Variants in CAND1 observed in about 807,000 individuals in gnomAD.
The protein encoded by CAND1 is cullin-associated NEDD8-dissociated protein 1.
A neutral mutation model predicts 108.5 loss-of-function variants in CAND1; 7 were observed. The observed-to-expected ratio is 0.06, with a 90% CI of 0.04 to 0.12. CAND1 has a LOEUF of 0.12. CAND1 is among the 10% of genes least tolerant of loss of function. The pLI is 1.00. For synonymous variants in CAND1, 534 were observed against 512.0 expected (o/e 1.04, Z -0.58); for missense variants, 941 against 1,448.7 (o/e 0.65, Z 5.69).
intron 8 of CAND1, 79 bp from the exon 9 acceptor site, chr12:67,304,526 T>C: frequency 3.5e-6 from 5 of 1,422,284 alleles, no homozygotes; most frequent in Non-Finnish European, 4.8e-6. Context: ...CCCTTTATCC[T>C]CATTCTCCAT....
Position 67,305,031 on chromosome 12 carries a change from TA to T in CAND1, c.1436-72del, listed in dbSNP as rs2044864470. The T allele has an allele frequency of 7.9e-7, 1 of 1,259,006 alleles. No homozygotes were observed. Among genetic ancestry groups the T allele is most frequent in the South Asian group, 1.4e-5 (1 of 68,994 alleles). 78.0% of individuals were successfully genotyped at this position (1,259,006 alleles called of 1,614,324 possible). On this transcript the variant is annotated intron_variant, in intron 9 of 14. Coordinates refer to ENST00000545606, the MANE Select transcript of CAND1 (RefSeq NM_018448.5). This position sits in a 1 kb window ranked among gnomAD's most constrained non-coding sequence, Gnocchi z 4.4. ...TGAAGTGGGAACATTAGCAGTACTA[TA>T]GGGGTTGATTTTTAATTTTTCTTTC... is the stretch of plus-strand genomic sequence containing the variant.
chr12:67,306,342 C>G lies in CAND1; in HGVS notation c.2674C>G (p.Leu892Val). 1 of 1,614,142 alleles carries G rather than the reference C, an allele frequency of 6.2e-7. No homozygotes were observed. Among genetic ancestry groups the G allele is most frequent in the Non-Finnish European group, 8.5e-7 (1 of 1,180,002 alleles). The stretch of plus-strand genomic sequence containing the variant: ...TAGTGTGGGCAACCTTCCTGAATAT[C>G]TGCCGTTTGTCCTGCAAGAAATAAC... ...SISVGNLPEYLPFVLQEITSQ... is the reference protein window; with the variant it reads ...SISVGNLPEYVPFVLQEITSQ... Residue 892 changes from leucine to valine, a missense_variant, in exon 10 of 15, where the codon CTG (leucine) becomes GTG (valine). Coordinates refer to ENST00000545606, the MANE Select transcript of CAND1 (RefSeq NM_018448.5).
intron 2 of CAND1, 176 bp downstream of exon 2, chr12:67,282,229 C>T (rs985420379): frequency 7.2e-6 from 4 of 552,482 alleles, no homozygotes; most frequent in Admixed American, 3.8e-5. Context: ...TAGTGTATTT[C>T]CTTACAGCAT....
intron 13 of CAND1, 118 bp from the exon 14 acceptor site, chr12:67,311,575 A>G: frequency 3.5e-6 from 1 of 289,798 alleles, no homozygotes; most frequent in Non-Finnish European, 6.0e-6. Flanking sequence ...AGATTACATT[A>G]AAAGGAAGGT....
Position 67,309,903 on chromosome 12 carries a change from G to T in CAND1, c.3028G>T (p.Asp1010Tyr). 6.3e-7 allele frequency: 1 copy of T among 1,596,526 alleles called. No individual in the cohort carries two copies. The highest frequency in any genetic ancestry group is 1.1e-5 in the South Asian group (1 of 88,278). The change falls in exon 12 of 15, where the codon GAT becomes TAT. Residue 1010 changes from aspartate (D) to tyrosine (Y), a missense_variant and splice_region_variant. Physicochemically the swap from Asp to Tyr is radical, Grantham distance 160 (BLOSUM62 -3). Coordinates refer to ENST00000545606, the MANE Select transcript of CAND1 (RefSeq NM_018448.5). ...TTGCTTTTCTTGTAATATTTCAGGT[G>T]ATTTCCTAAAAACTTTGGAAGACCC... ...IDPLLKNCIG[D>Y]FLKTLEDPDL... is the part of the protein sequence containing the mutation.
rs1449945513 is a variant in CAND1, at chr12:67,318,116, A to T, written c.*5286A>T. 6.6e-6 allele frequency: 1 copy of T among 152,286 alleles called. No individual in the cohort carries two copies. Among genetic ancestry groups the T allele is most frequent in the Admixed American group, 6.5e-5 (1 of 15,282 alleles). 9.4% of individuals were successfully genotyped at this position (152,286 alleles called of 1,614,324 possible). The stretch of plus-strand genomic sequence containing the variant: ...GGCGAAACCCCGTCTTTGCTAAAAA[A>T]ACACAAAGAAATTAGCTAGACGTGG... On this transcript the variant is annotated 3_prime_UTR_variant, in exon 15 of 15. Transcript: ENST00000545606.
At position 67,299,066 on chromosome 12, in the gene CAND1, A is replaced by G; in HGVS notation, c.971A>G (p.Asp324Gly). 1 of 1,528,466 alleles carries G rather than the reference A, an allele frequency of 6.5e-7. No individual in the cohort carries two copies. Among genetic ancestry groups the G allele is most frequent in the Non-Finnish European group, 9.0e-7 (1 of 1,110,396 alleles). 94.7% of individuals were successfully genotyped at this position (1,528,466 alleles called of 1,614,324 possible). Residue 324 changes from aspartate to glycine, a missense_variant, in exon 7 of 15, where the codon GAT becomes GGT. By Grantham distance (94) the Asp-to-Gly change is moderately conservative. Around this residue, in one of 9 missense-constraint regions of CAND1, gnomAD observed 697 missense variants for 942.0 expected, o/e 0.74. Coordinates refer to ENST00000545606, the MANE Select transcript of CAND1 (RefSeq NM_018448.5). ...GAAGATGAAGATGAAAATGCAATGG[A>G]TGCTGATGGTGGTGATGATGATGAT... ...DDEDEDENAM[D>G]ADGGDDDDQG...
At chr12:67,280,751 A>T (rs906735970) in intron 1 of CAND1, among the ~76,000 whole-genome samples, 2 of 152,112 alleles carry the variant, frequency 1.3e-5, no homozygotes. Flanking sequence ...ACCTTATTTT[A>T]CCTGAGACTC....
intron 2 of CAND1, among the ~76,000 whole-genome samples, chr12:67,285,800 T>A (rs115830461): frequency 0.025 from 3,747 of 152,310 alleles, 155 homozygotes; most frequent in African/African-American, 0.084. Flanking sequence ...TGTTCCTGTG[T>A]CTGGCTATTT....
intron 2 of CAND1, among the ~76,000 whole-genome samples, chr12:67,284,075 C>A (rs1332886512): frequency 4.6e-5 from 7 of 151,968 alleles, no homozygotes; most frequent in Admixed American, 4.6e-4. Context: ...AAAAACTTTC[C>A]ATTTTTGGAA....
chr12:67,315,698 CT>C lies in CAND1; in HGVS notation c.*2875del, dbSNP rs2045001575. 6.6e-6 allele frequency: 1 copy of C among 151,926 alleles called. No homozygotes were observed. The highest frequency in any genetic ancestry group is 2.1e-4 in the South Asian group (1 of 4,814). The allele number at this position is 151,926 out of a possible 1,614,324, so 9.4% of individuals were successfully genotyped here. A position where few individuals can be genotyped will look rare whatever the true frequency, so the allele number is the denominator to read the frequency against. ...GTAACCATAATTAAACCAAATTAGT[CT>C]TTTTTTCTTCATACTTTTCTTCGGT... On this transcript the variant is annotated 3_prime_UTR_variant, in exon 15 of 15. Transcript: ENST00000545606.
At position 67,288,514 on chromosome 12, in the gene CAND1, TAAAGTC is replaced by T. The variant is rs1310502165; in HGVS notation, c.213-4106_213-4101del. On this transcript the variant is annotated intron_variant, in intron 2 of 14. Coordinates refer to ENST00000545606, the MANE Select transcript of CAND1 (RefSeq NM_018448.5). ...AACTATGTATTACTTTTCCCTATAG[TAAAGTC>T]AGTTTCTTTTTCTTGCATTTTAAAG... 7.9e-5 allele frequency among the ~76,000 whole-genome samples: 12 copies of T among 152,328 alleles called. No individual in the cohort carries two copies. In the East Asian group the frequency reaches 2.3e-3, roughly 29 times the overall value.
chr12:67,302,940 T>A (rs2136014764), intron 8 of CAND1, among the ~76,000 whole-genome samples: 1 of 152,306 alleles, frequency 6.6e-6, no homozygotes, highest in African/African-American at 2.4e-5. Context: ...AATTTAGGTG[T>A]GTGATCTTGG....
At chr12:67,283,362 T>G (rs1249916809) in intron 2 of CAND1, among the ~76,000 whole-genome samples, 1 of 152,124 alleles carries the variant, frequency 6.6e-6, no homozygotes, top group Non-Finnish European at 1.5e-5. Flanking sequence ...GGCAGGTGGA[T>G]CACCTGAGGT....
rs1255804894 is a variant in CAND1 at position 67,295,856 on chromosome 12, G to A, written c.491+700G>A. On this transcript the variant is annotated intron_variant, in intron 4 of 14. Transcript: ENST00000545606. ...GCTTATACTTTACGATAGGACATAA[G>A]AACACCGATGGCTACAGGGCAGAAT... is the stretch of plus-strand genomic sequence containing the variant. Among the ~76,000 whole-genome samples the A allele has an allele frequency of 8.5e-5, 13 of 152,128 alleles. No individual in the cohort carries two copies. In the East Asian group the frequency reaches 2.5e-3, roughly 29 times the overall value.
chr12:67,280,194 G>A (rs1311215919), intron 1 of CAND1, among the ~76,000 whole-genome samples: 1 of 152,150 alleles, frequency 6.6e-6, no homozygotes, highest in Non-Finnish European at 1.5e-5. Context: ...TTTACAGAAC[G>A]TGGTAAGAAT....
chr12:67,293,432 T>C (rs914987032), intron 3 of CAND1, among the ~76,000 whole-genome samples: 3 of 152,216 alleles, frequency 2.0e-5, no homozygotes, highest in African/African-American at 4.8e-5. Context: ...TTATCACCTA[T>C]TTCATGGGAA....
rs918618844 is a variant in CAND1, at chr12:67,269,453, C to G, written c.-265C>G. On this transcript the variant is annotated 5_prime_UTR_variant, in exon 1 of 15. Coordinates refer to ENST00000545606, the MANE Select transcript of CAND1 (RefSeq NM_018448.5). ...CGTAGAGGCCCTTCTGTACGCCCCGCCGCCCATGAGCTCGTTCTCACGCGA... is the reference window on the plus strand; with the variant it reads ...CGTAGAGGCCCTTCTGTACGCCCCGGCGCCCATGAGCTCGTTCTCACGCGA... 2.1e-6 allele frequency: 1 copy of G among 486,848 alleles called. No individual in the cohort carries two copies. The allele number at this position is 486,848 out of a possible 1,614,324, so 30.2% of individuals were successfully genotyped here. A position where few individuals can be genotyped will look rare whatever the true frequency, so the allele number is the denominator to read the frequency against.
rs1313605510 is a variant in CAND1, at chr12:67,283,160, C to CT, written c.212+1111dup. Among the ~76,000 whole-genome samples, 3 of 152,276 alleles carry CT rather than the reference C, an allele frequency of 2.0e-5. No homozygotes were observed. In the South Asian group the frequency reaches 6.2e-4, roughly 32 times the overall value. ...GATTTTAAATTTGTTTTAGCCTAAA[C>CT]TTTTACATATCCCTTGTAAAAGTAA... is the stretch of plus-strand genomic sequence containing the variant. On this transcript the variant is annotated intron_variant, in intron 2 of 14. Coordinates refer to ENST00000545606, the MANE Select transcript of CAND1 (RefSeq NM_018448.5).
Sources: allele counts gnomAD v4.1 joint callset (sites outside exome capture counted in the v4.1 genomes callset), GRCh38; gene constraint gnomAD v4.1.1; regional missense constraint gnomAD v4.1.1; non-coding constraint Gnocchi (gnomAD v3.1); transcripts MANE v1.5; gene names NCBI Gene and HGNC (gene_info 2026-07-23, HGNC 2026-07-21).